The following LRRC9 variants were observed in gnomAD, a reference collection of about 807,000 sequenced individuals.
LRRC9 encodes the protein leucine-rich repeat-containing protein 9.
Under a neutral mutation model 63.2 loss-of-function variants are expected in LRRC9, and 122 were observed. The ratio of observed to expected loss-of-function variants is 1.93; its 90% CI spans 1.67 to 2.24. LRRC9 has a LOEUF of 2.24. Ranked by LOEUF, LRRC9 falls within the 30% of genes most tolerant of loss-of-function variation. LRRC9 has a pLI of 0.00. For synonymous variants in LRRC9, 366 were observed against 213.1 expected, an observed-to-expected ratio of 1.72 and a Z score of -6.25; for missense variants, 1,071 against 627.7, an observed-to-expected ratio of 1.71 and a Z score of -7.55.
intron 29 of LRRC9, among the ~76,000 whole-genome samples, chr14:60,037,865 G>T (rs573199307): frequency 5.1e-4 from 77 of 152,244 alleles, no homozygotes; most frequent in African/African-American, 1.7e-3. Flanking sequence ...GAATGGTATT[G>T]TCTAGGTTTT....
In LRRC9 at chr14:60,018,287, T is replaced by C. The variant is rs1306171084; in HGVS notation, c.3318-84T>C. Reference sequence around the variant, plus strand: ...GGTGAGACTTTTTAAATGTCTTTGGTGGCTGTATGTGAAGGAACTCACCTT... The same window carrying C: ...GGTGAGACTTTTTAAATGTCTTTGGCGGCTGTATGTGAAGGAACTCACCTT... On this transcript the variant is annotated intron_variant, in intron 24 of 31. Transcript: ENST00000445360. 6.5e-5 allele frequency: 44 copies of C among 676,418 alleles called. No homozygotes were observed. The East Asian group carries it at 1.2e-3, about 18-fold the overall frequency. The allele number at this position is 676,418 out of a possible 1,614,324, so 41.9% of individuals were successfully genotyped here.
rs149219764 is a variant in LRRC9 at position 59,922,269 on chromosome 14, G to A, written c.-34+2386G>A. Among the ~76,000 whole-genome samples, 5 of 152,244 alleles carry A rather than the reference G, an allele frequency of 3.3e-5. No individual in the cohort carries two copies. Among genetic ancestry groups the A allele is most frequent in the African/African-American group, 9.6e-5 (4 of 41,550 alleles). On this transcript the variant is annotated intron_variant, in intron 1 of 31. Coordinates refer to ENST00000445360, the Ensembl canonical transcript of LRRC9. The surrounding 1 kb of genome is among the most constrained non-coding windows in gnomAD (Gnocchi z 5.3). ...TCAAGTTGAGAATCAAAACATGTCC[G>A]CTGTCTTTGGCCATTAGAAGGTTAT...
chr14:59,993,838 A>G (rs1888440294), intron 17 of LRRC9, among the ~76,000 whole-genome samples: 1 of 152,174 alleles, frequency 6.6e-6, no homozygotes, highest in Admixed American at 6.5e-5. Context: ...CTACAAAGAG[A>G]CTTAGACTCC....
At chr14:59,992,043 C>T (rs908289156) in intron 17 of LRRC9, among the ~76,000 whole-genome samples, 2 of 152,146 alleles carry the variant, frequency 1.3e-5, no homozygotes, top group African/African-American at 4.8e-5. Flanking sequence ...CCCGAGGAGC[C>T]TAACTGGGAG....
chr14:59,977,400 T>C, intron 14 of LRRC9, 53 bp downstream of exon 14: 1 of 620,204 alleles, frequency 1.6e-6, no homozygotes, highest in Non-Finnish European at 2.9e-6. Flanking sequence ...TGAAAAATGT[T>C]TGTGTTTAAT....
At position 59,944,506 on chromosome 14, in the gene LRRC9, C is replaced by A. The variant is rs1594837243; in HGVS notation, c.727-83C>A. 3 of 467,320 alleles carry A rather than the reference C, an allele frequency of 6.4e-6. No homozygotes were observed. The East Asian group carries it at 1.0e-4, about 16-fold the overall frequency. The allele number at this position is 467,320 out of a possible 1,614,324, so 28.9% of individuals were successfully genotyped here. On this transcript the variant is annotated intron_variant, in intron 7 of 31. Coordinates refer to ENST00000445360, the Ensembl canonical transcript of LRRC9. Reference sequence around the variant, plus strand: ...AAATCATCTAAATTGTTATATAGAACATACTGTATTTATATAATACCACTA... The same window carrying A: ...AAATCATCTAAATTGTTATATAGAAAATACTGTATTTATATAATACCACTA...
At chr14:59,939,941 TG>T (rs1881579313) in intron 7 of LRRC9, among the ~76,000 whole-genome samples, 1 of 151,968 alleles carries the variant, frequency 6.6e-6, no homozygotes, top group South Asian at 2.1e-4. Flanking sequence ...AGCAGAAAGT[TG>T]GTACTTAAAG....
chr14:59,979,568 C>T (rs1886696982), intron 15 of LRRC9, among the ~76,000 whole-genome samples: 1 of 151,842 alleles, frequency 6.6e-6, no homozygotes, highest in African/African-American at 2.4e-5. Flanking sequence ...GTAGAGATCG[C>T]GCCACGGCAT....
At chr14:59,944,498 A>ATATAAATACAG in intron 7 of LRRC9, 91 bp from the exon 8 acceptor site, 1 of 450,744 alleles carries the variant, frequency 2.2e-6, no homozygotes, top group Non-Finnish European at 3.9e-6. Context: ...CTAAATTGTT[A>ATATAAATACAG]TATAGAACAT....
At chr14:59,997,945 G>A in intron 18 of LRRC9, 98 bp downstream of exon 18, 1 of 562,832 alleles carries the variant, frequency 1.8e-6, no homozygotes, top group Non-Finnish European at 3.1e-6. Flanking sequence ...GATAGGCAAA[G>A]TATCTTCGTT....
rs890999939 is a variant in LRRC9 at position 60,004,399 on chromosome 14, T to C, written c.2842+601T>C. On this transcript the variant is annotated intron_variant, in intron 21 of 31. Transcript: ENST00000445360. This position sits in a 1 kb window ranked among gnomAD's most constrained non-coding sequence, Gnocchi z 4.8. Reference sequence around the variant, plus strand: ...CTCACTAGAGGTTGAAAATAAAATATACTATATGTAACATTTTCCATGGAT... The same window carrying C: ...CTCACTAGAGGTTGAAAATAAAATACACTATATGTAACATTTTCCATGGAT... Among the ~76,000 whole-genome samples, 3 of 152,122 alleles carry C rather than the reference T, an allele frequency of 2.0e-5. No individual in the cohort carries two copies. The highest frequency in any genetic ancestry group is 2.0e-4 in the Admixed American group (3 of 15,268).
rs1566833265 is a variant in LRRC9, at chr14:59,975,089, GTATATATATATACATATATATA to G, written c.1639+383_1639+404del. Among the ~76,000 whole-genome samples, 40 of 33,188 alleles carry G rather than the reference GTATATATATATACATATATATA, an allele frequency of 1.2e-3. 1 individual carries two copies. The highest frequency in any genetic ancestry group is 2.5e-3 in the South Asian group (3 of 1,188). 21.8% of individuals were successfully genotyped at this position (33,188 alleles called of 152,430 possible). On this transcript the variant is annotated intron_variant, in intron 13 of 31. Transcript: ENST00000445360. ...CTATGTGTGTGTGTGTGTGTGTAGT[GTATATATATATACATATATATA>G]TGTATATATATATATGTATATATAT...
At chr14:60,038,316 G>T (rs1377393418) in intron 29 of LRRC9, among the ~76,000 whole-genome samples, 4 of 152,172 alleles carry the variant, frequency 2.6e-5, no homozygotes, top group African/African-American at 9.7e-5. Context: ...GTCGTTGGTA[G>T]CTTGATGGGG....
At chr14:59,991,355 T>C (rs921328096) in intron 17 of LRRC9, among the ~76,000 whole-genome samples, 2 of 152,142 alleles carry the variant, frequency 1.3e-5, no homozygotes, top group African/African-American at 4.8e-5. Context: ...GATGGCCACA[T>C]AGGAATACCT....
At chr14:60,046,788 T>C (rs118135441) in intron 29 of LRRC9, among the ~76,000 whole-genome samples, 3,345 of 152,298 alleles carry the variant, frequency 0.022, 58 homozygotes, top group South Asian at 0.05. Context: ...ATTCTAAATC[T>C]GTGAAGAATG....
chr14:59,952,713 C>T (rs1015710100), intron 8 of LRRC9, among the ~76,000 whole-genome samples: 8 of 152,102 alleles, frequency 5.3e-5, no homozygotes, highest in Non-Finnish European at 8.8e-5. Flanking sequence ...CATAGGTATA[C>T]ATTTGACATG....
At chr14:60,038,367 T>A (rs1047154532) in intron 29 of LRRC9, among the ~76,000 whole-genome samples, 1 of 152,220 alleles carries the variant, frequency 6.6e-6, no homozygotes, top group Non-Finnish European at 1.5e-5. Flanking sequence ...AGTATGGCCA[T>A]TTTCACAATA....
chr14:60,049,022 A>C (rs1470141595), intron 29 of LRRC9, among the ~76,000 whole-genome samples: 2 of 152,226 alleles, frequency 1.3e-5, no homozygotes, highest in African/African-American at 4.8e-5. Context: ...CAAAGAACTA[A>C]AGACAAAAAT....
At chr14:59,952,370 C>T (rs1014678547) in intron 8 of LRRC9, among the ~76,000 whole-genome samples, 1 of 152,162 alleles carries the variant, frequency 6.6e-6, no homozygotes, top group Non-Finnish European at 1.5e-5. Context: ...GCGCACGGTG[C>T]GCGCACCCAC....
Sources: allele counts gnomAD v4.1 joint callset (sites outside exome capture counted in the v4.1 genomes callset), GRCh38; gene constraint gnomAD v4.1.1; non-coding constraint Gnocchi (gnomAD v3.1); transcripts MANE v1.5; gene names NCBI Gene and HGNC (gene_info 2026-07-23, HGNC 2026-07-21).